CCDC50: variants seen among roughly 807,000 people sequenced by gnomAD.
CCDC50 encodes coiled-coil domain containing 50, also known as coiled-coil domain-containing protein 50.
A neutral mutation model predicts 70.2 loss-of-function variants in CCDC50; 54 were observed. The ratio of observed to expected loss-of-function variants is 0.77; its 90% confidence interval spans 0.62 to 0.96. CCDC50 has a LOEUF of 0.96. Among genes scored for constraint, CCDC50 ranks in the 50% least tolerant of loss-of-function variants. The pLI, the probability that CCDC50 is intolerant of heterozygous loss-of-function variation, is 0.00. For missense variants in CCDC50, 558 were observed against 578.7 expected (o/e 0.96, Z 0.37); for synonymous variants, 216 against 198.8 (o/e 1.09, Z -0.73).
intron 11 of CCDC50, 127 bp from the exon 12 acceptor site, chr3:191,391,614 A>C: frequency 1.2e-6 from 1 of 838,000 alleles, no homozygotes; most frequent in Non-Finnish European, 2.0e-6. Flanking sequence ...TATATGTCAC[A>C]ATCAAGAATA....
intron 3 of CCDC50, among the ~76,000 whole-genome samples, chr3:191,360,324 C>T (rs1395260717): frequency 6.6e-6 from 1 of 152,220 alleles, no homozygotes. Context: ...CCAGGAGATA[C>T]ATCTTCTGTG....
chr3:191,386,571 G>A (rs1339387710), intron 10 of CCDC50, among the ~76,000 whole-genome samples: 3 of 152,112 alleles, frequency 2.0e-5, no homozygotes, highest in Admixed American at 6.5e-5. Flanking sequence ...AGCATAGAGT[G>A]CTTTTCCATT....
chr3:191,369,663 G>A (rs1712826819), intron 4 of CCDC50, among the ~76,000 whole-genome samples: 3 of 152,274 alleles, frequency 2.0e-5, no homozygotes, highest in African/African-American at 4.8e-5. Flanking sequence ...GCTTTAGGAA[G>A]TACTGAGTTT....
chr3:191,354,742 C>T (rs1712221556), intron 1 of CCDC50, among the ~76,000 whole-genome samples: 1 of 152,050 alleles, frequency 6.6e-6, no homozygotes, highest in African/African-American at 2.4e-5. Context: ...TTATACTAGT[C>T]CCTTCGTATT....
In CCDC50 at chr3:191,368,898, T is replaced by C. The variant is rs112786578; in HGVS notation, c.331-1021T>C. Among the ~76,000 whole-genome samples the C allele has an allele frequency of 7.0e-3, 1,065 of 152,238 alleles. 9 individuals carry two copies. Among genetic ancestry groups the C allele is most frequent in the African/African-American group, 0.023 (956 of 41,556 alleles). On this transcript the variant is annotated intron_variant, in intron 4 of 11. Transcript: ENST00000392455. ...CTATTTTATGGGGCTTTCATAGAAG[T>C]AATCTTCAGATTCAGAACATTGTCA... is the stretch of plus-strand genomic sequence containing the variant.
At chr3:191,378,668 G>A (rs1363230184) in intron 6 of CCDC50, among the ~76,000 whole-genome samples, 1 of 151,772 alleles carries the variant, frequency 6.6e-6, no homozygotes, top group Admixed American at 6.6e-5. Flanking sequence ...TTCTGACTAA[G>A]CTAAATAACT....
chr3:191,364,129 C>A (rs895814075), intron 4 of CCDC50, among the ~76,000 whole-genome samples: 1 of 150,894 alleles, frequency 6.6e-6, no homozygotes, highest in Non-Finnish European at 1.5e-5. Flanking sequence ...AGTATAGTGG[C>A]GCAATCTTCG....
At chr3:191,369,734 C>T (rs539290821) in intron 4 of CCDC50, among the ~76,000 whole-genome samples, 185 bp from the exon 5 acceptor site, 4 of 152,274 alleles carry the variant, frequency 2.6e-5, no homozygotes, top group African/African-American at 9.6e-5. Flanking sequence ...TCTCACTTAT[C>T]TAGATCATGT....
chr3:191,352,534 T>G lies in CCDC50; in HGVS notation c.50-4554T>G, dbSNP rs551228212. On this transcript the variant is annotated intron_variant, in intron 1 of 11. Coordinates refer to ENST00000392455, the MANE Select transcript of CCDC50 (RefSeq NM_178335.3). The stretch of plus-strand genomic sequence containing the variant: ...CAAATTGAAGGTGTGTAGCAAGCAT[T>G]TCTTAGTAATAATGTGTTTTTAAAT... Among the ~76,000 whole-genome samples the G allele has an allele frequency of 9.8e-5, 14 of 142,602 alleles. 4 individuals are homozygous for G. The South Asian group carries it at 1.8e-3, about 18-fold the overall frequency. 93.6% of individuals were successfully genotyped at this position (142,602 alleles called of 152,430 possible). A position where few individuals can be genotyped will look rare whatever the true frequency, so the allele number is the denominator to read the frequency against.
chr3:191,375,395 A>G lies in CCDC50; in HGVS notation c.782A>G (p.Gln261Arg). 3 of 1,613,838 alleles carry G rather than the reference A, an allele frequency of 1.9e-6. No individual in the cohort carries two copies. The highest frequency in any genetic ancestry group is 2.5e-6 in the Non-Finnish European group (3 of 1,179,872). The change falls in exon 6 of 12, where the codon CAG becomes CGG. Residue 261 changes from glutamine (Q) to arginine (R), a missense_variant. Coordinates refer to ENST00000392455, the MANE Select transcript of CCDC50 (RefSeq NM_178335.3). ...GACTGGGAGACTAAGATTAACCATC[A>G]GACTCGAAATTGGGAAAAACAGTCT... Reference protein sequence around the residue: ...CDDWETKINHQTRNWEKQSRH... With the variant: ...CDDWETKINHRTRNWEKQSRH...
At chr3:191,363,078 T>G (rs1176137730) in intron 4 of CCDC50, among the ~76,000 whole-genome samples, 287 of 148,868 alleles carry the variant, frequency 1.9e-3, no homozygotes, top group African/African-American at 6.8e-3. Flanking sequence ...CTGTGGGGTT[T>G]TTTTTTTTTC....
rs369230750 is a variant in CCDC50 at position 191,389,579 on chromosome 3, C to T, written c.1406C>T (p.Ser469Leu). 37 of 1,613,458 alleles carry T rather than the reference C, an allele frequency of 2.3e-5. No individual in the cohort carries two copies. The highest frequency in any genetic ancestry group is 3.1e-5 in the Non-Finnish European group (36 of 1,179,558). The change falls in exon 11 of 12, where the codon TCA (serine) becomes TTA (leucine). Residue 469 changes from serine to leucine, a missense_variant. Coordinates refer to ENST00000392455, the MANE Select transcript of CCDC50 (RefSeq NM_178335.3). ...CAGCAGAGTTCCACACGGCATTTCT[C>T]AAAATCAGAGTCCTCTCATAAAGGT... ...TNQQSSTRHFSKSESSHKGFH... is the reference protein window; with the variant it reads ...TNQQSSTRHFLKSESSHKGFH...
At chr3:191,378,807 A>G (rs1713207717) in intron 6 of CCDC50, among the ~76,000 whole-genome samples, 1 of 151,728 alleles carries the variant, frequency 6.6e-6, no homozygotes, top group South Asian at 2.1e-4. Flanking sequence ...AGCCCAGCAT[A>G]AGACTCCGTG....
Position 191,351,571 on chromosome 3 carries a change from T to C in CCDC50, c.50-5517T>C, listed in dbSNP as rs1712107828. Among the ~76,000 whole-genome samples the C allele has an allele frequency of 1.4e-5, 2 of 140,440 alleles. 1 individual carries two copies. Among genetic ancestry groups the C allele is most frequent in the Non-Finnish European group, 3.2e-5 (2 of 62,504 alleles). The allele number at this position is 140,440 out of a possible 152,430, so 92.1% of individuals were successfully genotyped here. On this transcript the variant is annotated intron_variant, in intron 1 of 11. Coordinates refer to ENST00000392455, the MANE Select transcript of CCDC50 (RefSeq NM_178335.3). ...TGTGTCTGGAGCTGGAGGGGTAAAG[T>C]TGGCAAGTAGATGTACCTGAAAAAA...
chr3:191,347,193 G>A lies in CCDC50; in HGVS notation c.50-9895G>A, dbSNP rs1711957342. On this transcript the variant is annotated intron_variant, in intron 1 of 11. Transcript: ENST00000392455. ...CCCGGAAAATGTCTTTCTGTTACTA[G>A]AATTTCTGAAGGTTTTTCTCCTTTC... Among the ~76,000 whole-genome samples the A allele has an allele frequency of 1.4e-5, 2 of 142,430 alleles. 1 individual carries two copies. Among genetic ancestry groups the A allele is most frequent in the African/African-American group, 5.0e-5 (2 of 39,920 alleles). The allele number at this position is 142,430 out of a possible 152,430, so 93.4% of individuals were successfully genotyped here. A position where few individuals can be genotyped will look rare whatever the true frequency, so the allele number is the denominator to read the frequency against.
rs948854315 is a variant in CCDC50, at chr3:191,329,490, G to C, written c.-185G>C. ...TGGGCCGCCAGCTTGGTGCCTCGGGGACCGTCTCCCGCTGCTTTGGTCACC... is the reference window on the plus strand; with the variant it reads ...TGGGCCGCCAGCTTGGTGCCTCGGGCACCGTCTCCCGCTGCTTTGGTCACC... On this transcript the variant is annotated 5_prime_UTR_variant, in exon 1 of 12. Coordinates refer to ENST00000392455, the MANE Select transcript of CCDC50 (RefSeq NM_178335.3). 1.3e-5 allele frequency: 7 copies of C among 523,236 alleles called. No homozygotes were observed. The highest frequency in any genetic ancestry group is 2.3e-5 in the Non-Finnish European group (7 of 304,384). 32.4% of individuals were successfully genotyped at this position (523,236 alleles called of 1,614,324 possible).
At chr3:191,332,772 A>G (rs1367209927) in intron 1 of CCDC50, among the ~76,000 whole-genome samples, 1 of 152,212 alleles carries the variant, frequency 6.6e-6, no homozygotes, top group Non-Finnish European at 1.5e-5. Context: ...CTGAACCAGC[A>G]ATCAAGACTC....
At chr3:191,380,608 C>A in intron 7 of CCDC50, 79 bp from the exon 8 acceptor site, 1 of 1,379,256 alleles carries the variant, frequency 7.3e-7, no homozygotes, top group Non-Finnish European at 1.0e-6. Flanking sequence ...CAAAAACCAG[C>A]TTATTTTGTA....
At chr3:191,367,778 C>A (rs1308321662) in intron 4 of CCDC50, among the ~76,000 whole-genome samples, 1 of 151,922 alleles carries the variant, frequency 6.6e-6, no homozygotes, top group Non-Finnish European at 1.5e-5. Context: ...AAGCAAACCA[C>A]GTAGGAAAAT....
Sources: allele counts gnomAD v4.1 joint callset (sites outside exome capture counted in the v4.1 genomes callset), GRCh38; gene constraint gnomAD v4.1.1; transcripts MANE v1.5; gene names NCBI Gene and HGNC (gene_info 2026-07-23, HGNC 2026-07-21).